Variants in KCNA6 observed in about 807,000 individuals in gnomAD.
The protein encoded by KCNA6 is potassium voltage-gated channel subfamily A member 6.
In KCNA6, 17 loss-of-function variants were observed where a neutral mutation model predicts 29.5. The observed-to-expected ratio is 0.58, with a 90% CI of 0.39 to 0.86. KCNA6 has a LOEUF of 0.86. Among genes scored for constraint, KCNA6 ranks in the 40% least tolerant of loss-of-function variants. KCNA6 has a pLI of 0.00. For synonymous variants in KCNA6, 296 were observed against 304.7 expected, an observed-to-expected ratio of 0.97 and a Z score of 0.30; for missense variants, 450 against 703.4, an observed-to-expected ratio of 0.64 and a Z score of 4.07.
downstream of KCNA6, chr12:4,813,768 C>T (rs1253690374): frequency 1.8e-5 from 3 of 167,146 alleles, no homozygotes; most frequent in African/African-American, 7.2e-5. Context: ...GAGAAAAGCC[C>T]ATTCCAGAGG....
the KCNA6 span, among the ~76,000 whole-genome samples, chr12:4,836,971 A>G: frequency 6.6e-6 from 1 of 152,212 alleles, no homozygotes; most frequent in Non-Finnish European, 1.5e-5. Context: ...TTGTATGTCA[A>G]TGAGTTTAAT....
In KCNA6 at chr12:4,810,513, C is replaced by T. The variant is rs1305614981; in HGVS notation, c.472C>T (p.Arg158Cys). 1 of 1,614,174 alleles carries T rather than the reference C, an allele frequency of 6.2e-7. No individual in the cohort carries two copies. The highest frequency in any genetic ancestry group is 8.5e-7 in the Non-Finnish European group (1 of 1,180,036). The stretch of plus-strand genomic sequence containing the variant: ...GCCGCTGCCCTCCCAGCCCTTCCAG[C>T]GCCAGGTGTGGCTGCTCTTTGAGTA... Residue 158 changes from arginine (R) to cysteine (C), a missense_variant, in exon 1 of 1, where the codon CGC (arginine) becomes TGC (cysteine). Physicochemically the swap from Arg to Cys is radical, Grantham distance 180. Coordinates refer to ENST00000280684, the Ensembl canonical transcript of KCNA6. This position sits in a 1 kb window ranked among gnomAD's most constrained non-coding sequence, Gnocchi z 7.5.
At chr12:4,832,408 G>A in the KCNA6 span, among the ~76,000 whole-genome samples, 4 of 152,208 alleles carry the variant, frequency 2.6e-5, no homozygotes, top group African/African-American at 9.7e-5. Flanking sequence ...GGACGCACAG[G>A]TAGAAGGAGA....
chr12:4,818,306 C>T (rs1180825043), downstream of KCNA6, among the ~76,000 whole-genome samples: 2 of 152,220 alleles, frequency 1.3e-5, no homozygotes, highest in South Asian at 2.1e-4. Context: ...TTTCAGACAT[C>T]GTGCGATTTA....
rs1261270013 is a variant in KCNA6 at position 4,811,734 on chromosome 12, T to C, written c.*103T>C. 7.3e-7 allele frequency: 1 copy of C among 1,371,590 alleles called. No individual in the cohort carries two copies. The highest frequency in any genetic ancestry group is 1.0e-6 in the Non-Finnish European group (1 of 998,022). The allele number at this position is 1,371,590 out of a possible 1,614,324, so 85.0% of individuals were successfully genotyped here. ...CTCTAGCTTCAGTTGACTTCTTGAC[T>C]CTCTCCCCTACACCCACTACCTGGC... On this transcript the variant is annotated 3_prime_UTR_variant, in exon 1 of 1. Transcript: ENST00000280684. This position sits in a 1 kb window ranked among gnomAD's most constrained non-coding sequence, Gnocchi z 7.1.
chr12:4,829,356 G>C, the KCNA6 span, among the ~76,000 whole-genome samples: 4 of 152,114 alleles, frequency 2.6e-5, no homozygotes, highest in Non-Finnish European at 4.4e-5. Flanking sequence ...CAGAAGCATT[G>C]CTGGATATGA....
the KCNA6 span, among the ~76,000 whole-genome samples, chr12:4,839,544 A>G: frequency 6.6e-6 from 1 of 152,194 alleles, no homozygotes; most frequent in African/African-American, 2.4e-5. Flanking sequence ...GGGGGAGTCA[A>G]AAGTTTTATG....
the KCNA6 span, among the ~76,000 whole-genome samples, chr12:4,822,319 C>T: frequency 1.3e-5 from 2 of 152,326 alleles, no homozygotes; most frequent in African/African-American, 2.4e-5. Context: ...CGGCCATACT[C>T]AGAGCCTTCC....
chr12:4,837,827 G>C, the KCNA6 span, among the ~76,000 whole-genome samples: 1 of 151,572 alleles, frequency 6.6e-6, no homozygotes, highest in African/African-American at 2.4e-5. Context: ...CCTGTGGGAG[G>C]CTTTTATGGT....
the KCNA6 span, among the ~76,000 whole-genome samples, chr12:4,845,597 G>A: frequency 6.6e-6 from 1 of 152,184 alleles, no homozygotes; most frequent in Non-Finnish European, 1.5e-5. Context: ...TTTGTGCAAT[G>A]TTTGGGACAT....
At chr12:4,848,485 T>C in the KCNA6 span, among the ~76,000 whole-genome samples, 4 of 150,628 alleles carry the variant, frequency 2.7e-5, no homozygotes, top group Non-Finnish European at 4.4e-5. Context: ...TTTCCTACAC[T>C]GTTATTTTTG....
chr12:4,840,832 A>G, the KCNA6 span, among the ~76,000 whole-genome samples: 3 of 152,204 alleles, frequency 2.0e-5, no homozygotes, highest in Non-Finnish European at 4.4e-5. Flanking sequence ...TTGGAGGCAG[A>G]GGATAGGGTG....
At chr12:4,820,820 G>C in the KCNA6 span, among the ~76,000 whole-genome samples, 2 of 152,168 alleles carry the variant, frequency 1.3e-5, no homozygotes, top group African/African-American at 4.8e-5. Flanking sequence ...TTTAGCACTG[G>C]ACAAAGAGAG....
chr12:4,809,872 C>G, exon 1 of KCNA6: 1 of 724,406 alleles, frequency 1.4e-6, no homozygotes. Context: ...CTTGCAGGGA[C>G]CAGGGCTTTA....
chr12:4,833,137 T>C, the KCNA6 span, among the ~76,000 whole-genome samples: 1 of 152,174 alleles, frequency 6.6e-6, no homozygotes, highest in African/African-American at 2.4e-5. Flanking sequence ...GGATTCGTAA[T>C]GCATCAGTTA....
the KCNA6 span, among the ~76,000 whole-genome samples, chr12:4,821,811 C>T: frequency 2.0e-5 from 3 of 152,146 alleles, no homozygotes; most frequent in Non-Finnish European, 4.4e-5. Context: ...GCTTCTTAGT[C>T]CCTGCTGCTG....
downstream of KCNA6, among the ~76,000 whole-genome samples, chr12:4,817,392 T>G (rs2137583935): frequency 6.6e-6 from 1 of 152,216 alleles, no homozygotes; most frequent in South Asian, 2.1e-4. Flanking sequence ...ATGAACCACT[T>G]TCCTGTGCTG....
At position 4,811,420 on chromosome 12, in the gene KCNA6, A is replaced by G. The variant is rs1465830655; in HGVS notation, c.1379A>G (p.Asn460Ser). Residue 460 changes from asparagine (N) to serine (S), a missense_variant, in exon 1 of 1, where the codon AAC (asparagine) becomes AGC (serine). Transcript: ENST00000280684. The surrounding 1 kb of genome is among the most constrained non-coding windows in gnomAD (Gnocchi z 7.1). ...CTGCCTGTGCCCGTCATCGTCTCCA[A>G]CTTCAACTACTTCTACCACCGGGAG... 1.2e-6 allele frequency: 2 copies of G among 1,614,074 alleles called. No homozygotes were observed. The highest frequency in any genetic ancestry group is 1.7e-6 in the Non-Finnish European group (2 of 1,180,008).
chr12:4,840,040 A>G, the KCNA6 span, among the ~76,000 whole-genome samples: 4 of 152,224 alleles, frequency 2.6e-5, no homozygotes, highest in Non-Finnish European at 5.9e-5. Flanking sequence ...ATGAAAAGTT[A>G]TAATGGATGG....
Sources: allele counts gnomAD v4.1 joint callset (sites outside exome capture counted in the v4.1 genomes callset), GRCh38; gene constraint gnomAD v4.1.1; non-coding constraint Gnocchi (gnomAD v3.1); transcripts MANE v1.5; gene names NCBI Gene and HGNC (gene_info 2026-07-23, HGNC 2026-07-21).